Variants in OR51B5 observed in about 807,000 individuals in gnomAD.
OR51B5 encodes the protein olfactory receptor 51B5.
For synonymous variants in OR51B5, 186 were observed against 144.8 expected (o/e 1.28, Z -2.04); for missense variants, 456 against 374.6 (o/e 1.22, Z -1.79).
At chr11:5,354,887 ATCAAAGGCAT>A (rs1345799158) in intron 1 of OR51B5, 2 of 177,622 alleles carry the variant, frequency 1.1e-5, no homozygotes, top group Non-Finnish European at 2.4e-5. Context: ...TTTAGAAGCA[ATCAAAGGCAT>A]TCAAGAGACC....
intron 1 of OR51B5, chr11:5,453,461 C>T (rs776467569): frequency 4.1e-6 from 6 of 1,479,106 alleles, no homozygotes; most frequent in African/African-American, 1.4e-5. Context: ...AGATCTGACT[C>T]TGAAAAGTAC....
Position 5,489,352 on chromosome 11 carries a change from C to T in OR51B5, n.84+16217G>A. The T allele has an allele frequency of 1.9e-6, 3 of 1,614,064 alleles. No individual in the cohort carries two copies. In the South Asian group the frequency reaches 3.3e-5, roughly 18 times the overall value. On this transcript the variant is annotated intron_variant and non_coding_transcript_variant, in intron 1 of 4. Transcript: ENST00000415970. Reference sequence around the variant, plus strand: ...GCTGGCCATGGGACTGGATTCCATTCTCATTGCCATTTCCTATGGCTTTAT... The same window carrying T: ...GCTGGCCATGGGACTGGATTCCATTTTCATTGCCATTTCCTATGGCTTTAT...
chr11:5,490,456 C>G (rs114115253), intron 1 of OR51B5, among the ~76,000 whole-genome samples: 8 of 152,176 alleles, frequency 5.3e-5, no homozygotes, highest in African/African-American at 1.9e-4. Context: ...TCCTCCCACA[C>G]TCATCCATTT....
chr11:5,471,025 C>G (rs1160387897), intron 1 of OR51B5, among the ~76,000 whole-genome samples: 1 of 152,204 alleles, frequency 6.6e-6, no homozygotes, highest in Non-Finnish European at 1.5e-5. Context: ...ATCATAGAAG[C>G]TGCAAGACCA....
chr11:5,387,346 G>A (rs1849711000), intron 1 of OR51B5, among the ~76,000 whole-genome samples: 1 of 152,106 alleles, frequency 6.6e-6, no homozygotes, highest in South Asian at 2.1e-4. Context: ...GAAGTCACTG[G>A]TGAATTTAAG....
At chr11:5,488,892 G>A in intron 1 of OR51B5, 1 of 1,613,988 alleles carries the variant, frequency 6.2e-7, no homozygotes, top group Non-Finnish European at 8.5e-7. Context: ...ATGCACCTAT[G>A]TACCTCTTCC....
intron 1 of OR51B5, among the ~76,000 whole-genome samples, chr11:5,465,245 C>G (rs564494820): frequency 1.1e-3 from 166 of 146,170 alleles, no homozygotes; most frequent in African/African-American, 3.9e-3. Flanking sequence ...TCCTATTTCT[C>G]CACATCCTCT....
At chr11:5,340,561 A>G (rs771831947), downstream of OR51B5, 1 of 152,120 alleles carries the variant, frequency 6.6e-6, no homozygotes, top group Non-Finnish European at 1.5e-5. Flanking sequence ...ACAATGCAAA[A>G]TATCAGTTTT....
At chr11:5,401,853 CTGCTTTTTCTTT>C (rs1849972998) in intron 1 of OR51B5, among the ~76,000 whole-genome samples, 1 of 13,330 alleles carries the variant, frequency 7.5e-5, no homozygotes, top group East Asian at 6.5e-4. Context: ...TCTTTTTCTT[CTGCTTTTTCTTT>C]TTCCTTCCTT....
chr11:5,454,612 A>C, intron 1 of OR51B5: 2 of 485,308 alleles, frequency 4.1e-6, no homozygotes, highest in South Asian at 8.2e-5. Flanking sequence ...ACTAAATACC[A>C]ACAGTATTCT....
intron 1 of OR51B5, among the ~76,000 whole-genome samples, chr11:5,421,649 C>A (rs578192812): frequency 3.0e-4 from 45 of 151,976 alleles, no homozygotes; most frequent in Non-Finnish European, 5.9e-4. Flanking sequence ...AAATAGACTG[C>A]AGTACAGTAA....
At chr11:5,347,121 C>T (rs746088836), upstream of OR51B5, among the ~76,000 whole-genome samples, 1 of 152,084 alleles carries the variant, frequency 6.6e-6, no homozygotes, top group Non-Finnish European at 1.5e-5. Context: ...ACTGGTAGGA[C>T]CTTTATGTGT....
chr11:5,360,213 C>A (rs1849259635), intron 1 of OR51B5, among the ~76,000 whole-genome samples: 1 of 151,700 alleles, frequency 6.6e-6, no homozygotes, highest in African/African-American at 2.4e-5. Flanking sequence ...AGGCAACATA[C>A]AGAATGGGAG....
intron 1 of OR51B5, among the ~76,000 whole-genome samples, chr11:5,424,752 C>T (rs1429490672): frequency 2.7e-5 from 4 of 148,982 alleles, no homozygotes; most frequent in Non-Finnish European, 6.0e-5. Flanking sequence ...GAGGCCGAGA[C>T]GGGTGGATCA....
intron 1 of OR51B5, among the ~76,000 whole-genome samples, chr11:5,475,617 G>C (rs1564825867): frequency 6.6e-6 from 1 of 152,128 alleles, no homozygotes; most frequent in African/African-American, 2.4e-5. Context: ...ACATCTTGCA[G>C]AGTTATGATT....
intron 1 of OR51B5, among the ~76,000 whole-genome samples, chr11:5,413,037 C>A (rs1026451678): frequency 2.5e-4 from 12 of 47,680 alleles, no homozygotes; most frequent in Non-Finnish European, 4.4e-4. Flanking sequence ...AGGCACCCCC[C>A]AGTAGGGCAG....
intron 1 of OR51B5, chr11:5,430,811 G>A (rs760765359): frequency 4.6e-5 from 21 of 457,248 alleles, no homozygotes; most frequent in South Asian, 1.5e-4. Context: ...TTGGCAGCAC[G>A]ATGCATCACA....
intron 1 of OR51B5, among the ~76,000 whole-genome samples, chr11:5,424,836 G>T (rs1850419277): frequency 9.5e-6 from 1 of 105,000 alleles, no homozygotes. Context: ...GAAAAAATTA[G>T]CCGGGCGTGG....
At chr11:5,400,761 ACT>A in intron 1 of OR51B5, among the ~76,000 whole-genome samples, 1 of 152,190 alleles carries the variant, frequency 6.6e-6, no homozygotes, top group South Asian at 2.1e-4. Flanking sequence ...TAGGTCTAGG[ACT>A]CTGTGTTGCC....
Sources: allele counts gnomAD v4.1 joint callset (sites outside exome capture counted in the v4.1 genomes callset), GRCh38; gene constraint gnomAD v4.1.1; transcripts MANE v1.5; gene names NCBI Gene and HGNC (gene_info 2026-07-23, HGNC 2026-07-21).